FMNL2: variants seen among roughly 807,000 people sequenced by gnomAD.
FMNL2 encodes the protein formin like 2, also known as formin-like protein 2.
A neutral mutation model predicts 130.2 loss-of-function variants in FMNL2; 51 were observed. The observed-to-expected ratio is 0.39, with a 90% CI of 0.31 to 0.49. FMNL2 has a LOEUF of 0.49. Ranked by LOEUF, FMNL2 falls within the 20% of genes least tolerant of loss-of-function variation. The pLI, the probability that FMNL2 is intolerant of heterozygous loss-of-function variation, is 0.85. For missense variants in FMNL2, 977 were observed against 1,316.2 expected (o/e 0.74, Z 3.99); for synonymous variants, 465 against 467.1 (o/e 1.00, Z 0.06).
chr2:152,570,131 T>G (rs1269679967), intron 6 of FMNL2, among the ~76,000 whole-genome samples: 1 of 152,234 alleles, frequency 6.6e-6, no homozygotes, highest in Admixed American at 6.5e-5. Flanking sequence ...ATATAACTAT[T>G]GGTATCTGCT....
At chr2:152,604,884 C>T (rs1362868138) in intron 9 of FMNL2, among the ~76,000 whole-genome samples, 1 of 152,144 alleles carries the variant, frequency 6.6e-6, no homozygotes, top group Non-Finnish European at 1.5e-5. Flanking sequence ...GCGAGAACCA[C>T]CGTGCCCAGC....
chr2:152,568,669 A>G (rs1244190216), intron 6 of FMNL2, among the ~76,000 whole-genome samples: 2 of 152,204 alleles, frequency 1.3e-5, no homozygotes, highest in Non-Finnish European at 2.9e-5. Context: ...GGAAACAAAC[A>G]TGTCCTTCAT....
At chr2:152,529,377 A>G (rs564646618) in intron 2 of FMNL2, among the ~76,000 whole-genome samples, 15 of 152,266 alleles carry the variant, frequency 9.9e-5, no homozygotes, top group Middle Eastern at 3.4e-3. Flanking sequence ...CTCAGAAGAA[A>G]AAGAAAGGCA....
At chr2:152,600,293 G>A (rs1277380158) in intron 9 of FMNL2, among the ~76,000 whole-genome samples, 2 of 152,230 alleles carry the variant, frequency 1.3e-5, no homozygotes, top group Non-Finnish European at 2.9e-5. Flanking sequence ...TATTGAGGCA[G>A]GCGCCAGGCA....
rs1397579726 is a variant in FMNL2, at chr2:152,618,905, A to C, written c.1374A>C (p.Lys458Asn). The change falls in exon 14 of 26, where the codon AAA (lysine) becomes AAC (asparagine). Residue 458 changes from lysine (K) to asparagine (N), a missense_variant. Around this residue, in one of 4 missense-constraint regions of FMNL2, gnomAD observed 689 missense variants for 995.9 expected, o/e 0.69. Transcript: ENST00000288670. ...CATTAAGAAAAATGGTCAAAGAAAAAGAAGAAGCAATTCAAAGACAGTCTA... is the reference window on the plus strand; with the variant it reads ...CATTAAGAAAAATGGTCAAAGAAAACGAAGAAGCAATTCAAAGACAGTCTA... ...VHTLRKMVKE[K>N]EEAIQRQSTL... 6.2e-7 allele frequency: 1 copy of C among 1,611,282 alleles called. No individual in the cohort carries two copies. The highest frequency in any genetic ancestry group is 1.1e-5 in the South Asian group (1 of 90,666).
At chr2:152,425,555 T>C (rs912189529) in intron 1 of FMNL2, among the ~76,000 whole-genome samples, 12 of 152,254 alleles carry the variant, frequency 7.9e-5, no homozygotes, top group African/African-American at 2.2e-4. Flanking sequence ...TTGGTAGTCC[T>C]TCTAATACTT....
intron 1 of FMNL2, among the ~76,000 whole-genome samples, chr2:152,338,924 A>G (rs1203803492): frequency 1.3e-5 from 2 of 152,074 alleles, no homozygotes; most frequent in African/African-American, 2.4e-5. Context: ...TATAATTTAT[A>G]TGGAAGTGTT....
chr2:152,543,729 C>CAAAAAAAAA lies in FMNL2; in HGVS notation c.282+922_282+930dup, dbSNP rs71394490. Among the ~76,000 whole-genome samples the CAAAAAAAAA allele has an allele frequency of 2.4e-4, 15 of 61,394 alleles. 2 individuals carry two copies. The highest frequency in any genetic ancestry group is 4.1e-4 in the African/African-American group (6 of 14,758). The allele number at this position is 61,394 out of a possible 152,430, so 40.3% of individuals were successfully genotyped here. A position where few individuals can be genotyped will look rare whatever the true frequency, so the allele number is the denominator to read the frequency against. ...CTCCCCTCACCGCCCACCCCCCGAC[C>CAAAAAAAAA]AAAAAAAAAAAAAAAAAAAAGTCCA... On this transcript the variant is annotated intron_variant, in intron 3 of 25. Transcript: ENST00000288670.
intron 15 of FMNL2, among the ~76,000 whole-genome samples, chr2:152,620,446 G>A (rs1482531819): frequency 5.9e-5 from 9 of 152,206 alleles, no homozygotes; most frequent in South Asian, 2.1e-4. Context: ...TTTGACTCAC[G>A]GAAACAAAGA....
chr2:152,570,741 A>G (rs1696126306), intron 6 of FMNL2, among the ~76,000 whole-genome samples: 1 of 152,082 alleles, frequency 6.6e-6, no homozygotes, highest in African/African-American at 2.4e-5. Flanking sequence ...ACCTTCTTAG[A>G]CCTGTTCCCA....
intron 1 of FMNL2, among the ~76,000 whole-genome samples, chr2:152,513,382 T>A (rs1395889968): frequency 6.6e-6 from 1 of 152,258 alleles, no homozygotes; most frequent in Admixed American, 6.5e-5. Context: ...GTCACCATGC[T>A]GTACATTAGA....
intron 1 of FMNL2, among the ~76,000 whole-genome samples, chr2:152,488,697 C>T (rs1690976103): frequency 6.6e-6 from 1 of 152,126 alleles, no homozygotes; most frequent in Admixed American, 6.5e-5. Flanking sequence ...AATTTGCCTC[C>T]AAAACTAATG....
At position 152,619,674 on chromosome 2, in the gene FMNL2, C is replaced by T; in HGVS notation, c.1793C>T (p.Pro598Leu). The change falls in exon 15 of 26, where the codon CCT becomes CTT. Residue 598 changes from proline to leucine, a missense_variant. This residue lies in a region of FMNL2 where 689 missense variants were observed against 995.9 expected (regional missense o/e 0.69). Transcript: ENST00000288670. ...APPLPSAPPL[P>L]GTSSPTVVFN... is the part of the protein sequence containing the mutation. The stretch of plus-strand genomic sequence containing the variant: ...CCCCTTCCCTCTGCACCTCCGCTGC[C>T]TGGAACATCTTCACCCACAGTGGTT... 1 of 1,612,604 alleles carries T rather than the reference C, an allele frequency of 6.2e-7. No individual in the cohort carries two copies. Among genetic ancestry groups the T allele is most frequent in the Non-Finnish European group, 8.5e-7 (1 of 1,179,624 alleles).
chr2:152,507,267 A>G (rs1367055269), intron 1 of FMNL2, among the ~76,000 whole-genome samples: 7 of 152,236 alleles, frequency 4.6e-5, no homozygotes, highest in African/African-American at 1.7e-4. Flanking sequence ...CATTGTGTTT[A>G]TGGCACCAGA....
chr2:152,455,722 T>G (rs1219305206), intron 1 of FMNL2, among the ~76,000 whole-genome samples: 1 of 152,202 alleles, frequency 6.6e-6, no homozygotes, highest in Non-Finnish European at 1.5e-5. Flanking sequence ...CATATTTTTC[T>G]TTTGTTTTTT....
chr2:152,535,437 G>T (rs1022785481), intron 2 of FMNL2, among the ~76,000 whole-genome samples: 2 of 152,176 alleles, frequency 1.3e-5, no homozygotes, highest in East Asian at 3.8e-4. Flanking sequence ...ACTTTGAGAG[G>T]ATCACATATG....
intron 1 of FMNL2, among the ~76,000 whole-genome samples, chr2:152,438,240 G>T (rs911883156): frequency 6.6e-6 from 1 of 152,214 alleles, no homozygotes; most frequent in African/African-American, 2.4e-5. Context: ...TTAGGAAATG[G>T]TGTAATGTAT....
At chr2:152,623,619 C>T (rs967797010) in intron 15 of FMNL2, among the ~76,000 whole-genome samples, 1 of 152,056 alleles carries the variant, frequency 6.6e-6, no homozygotes, top group Non-Finnish European at 1.5e-5. Flanking sequence ...CAAGCTTAGT[C>T]GTGTGTTGCT....
intron 1 of FMNL2, among the ~76,000 whole-genome samples, chr2:152,360,894 CTG>C (rs1560297488): frequency 1.3e-5 from 2 of 152,182 alleles, no homozygotes; most frequent in Non-Finnish European, 2.9e-5. Context: ...AAAGCTCACA[CTG>C]AAGAAAGGGT....
Sources: gnomAD v4.1 joint callset for allele counts (sites outside exome capture counted in the v4.1 genomes callset) on GRCh38, gnomAD v4.1.1 for gene constraint, gnomAD v4.1.1 regional missense constraint, MANE v1.5 for transcripts, NCBI Gene and HGNC (gene_info 2026-07-23, HGNC 2026-07-21) for gene names.